Variants in LOC400499 observed in about 807,000 individuals in gnomAD.
At chr16:11,451,071 C>T in the LOC400499 span, among the ~76,000 whole-genome samples, 3 of 152,190 alleles carry the variant, frequency 2.0e-5, no homozygotes, top group Non-Finnish European at 4.4e-5. Context: ...TTTCACTGTG[C>T]TTAATGAAAC....
chr16:11,495,701 A>G, the LOC400499 span, among the ~76,000 whole-genome samples: 1 of 152,168 alleles, frequency 6.6e-6, no homozygotes, highest in African/African-American at 2.4e-5. Flanking sequence ...ATCTTAGTAA[A>G]CAAACTGTGT....
At chr16:11,495,246 G>GCA in the LOC400499 span, among the ~76,000 whole-genome samples, 1 of 151,356 alleles carries the variant, frequency 6.6e-6, no homozygotes, top group South Asian at 2.1e-4. Context: ...AACAAAAAAG[G>GCA]CACTCCATGT....
the LOC400499 span, among the ~76,000 whole-genome samples, chr16:11,423,002 G>C: frequency 8.3e-5 from 12 of 145,332 alleles, no homozygotes; most frequent in East Asian, 2.5e-3. Context: ...GAGTCCAGGT[G>C]CATGTCACCA....
chr16:11,491,035 T>C, the LOC400499 span, among the ~76,000 whole-genome samples: 34,976 of 152,200 alleles, frequency 0.23, 4,119 homozygotes, highest in East Asian at 0.31. Flanking sequence ...AATGTCTTTG[T>C]GTATTAACTC....
chr16:11,492,511 C>T, the LOC400499 span, among the ~76,000 whole-genome samples: 4 of 151,902 alleles, frequency 2.6e-5, no homozygotes, highest in South Asian at 2.1e-4. Context: ...TGGCCGGGCG[C>T]GGTGGCTCAT....
chr16:11,372,519 T>A, the LOC400499 span: 1 of 152,872 alleles, frequency 6.5e-6, no homozygotes, highest in South Asian at 2.1e-4. Context: ...CTCAGACCAG[T>A]GGGAGAGTTT....
the LOC400499 span, among the ~76,000 whole-genome samples, chr16:11,490,523 C>A: frequency 6.6e-6 from 1 of 151,318 alleles, no homozygotes; most frequent in South Asian, 2.1e-4. Context: ...TGTGGTGAAA[C>A]CCCGTCTCTA....
the LOC400499 span, among the ~76,000 whole-genome samples, chr16:11,376,191 A>G: frequency 6.6e-6 from 1 of 152,202 alleles, no homozygotes; most frequent in Non-Finnish European, 1.5e-5. Context: ...GTATCCTTCA[A>G]TGCGATCCAG....
chr16:11,478,048 C>T, the LOC400499 span: 1 of 394,678 alleles, frequency 2.5e-6, no homozygotes, highest in African/African-American at 2.1e-5. Context: ...CTCGGTGGCT[C>T]ACGCCTGTAA....
the LOC400499 span, among the ~76,000 whole-genome samples, chr16:11,502,768 C>T: frequency 6.6e-6 from 1 of 151,740 alleles, no homozygotes; most frequent in African/African-American, 2.4e-5. Context: ...GCACCTGTGA[C>T]CACGTCTGGC....
At chr16:11,435,419 T>C in the LOC400499 span, among the ~76,000 whole-genome samples, 2 of 152,162 alleles carry the variant, frequency 1.3e-5, no homozygotes, top group Admixed American at 1.3e-4. Flanking sequence ...TTATACATTA[T>C]CCTTTAAGCC....
chr16:11,460,157 G>C, the LOC400499 span: 1 of 1,027,634 alleles, frequency 9.7e-7, no homozygotes, highest in Non-Finnish European at 1.3e-6. Context: ...CTGGTTTTCA[G>C]AAGAGACGGT....
At chr16:11,460,846 T>C in the LOC400499 span, 9 of 1,339,700 alleles carry the variant, frequency 6.7e-6, no homozygotes, top group East Asian at 5.1e-5. Flanking sequence ...GCCAACAGAA[T>C]GACTAATGGA....
At chr16:11,372,749 G>A in the LOC400499 span, 2 of 982,920 alleles carry the variant, frequency 2.0e-6, no homozygotes, top group African/African-American at 3.5e-5. Flanking sequence ...CTGTAAAGGA[G>A]AGAGAAAAGT....
the LOC400499 span, among the ~76,000 whole-genome samples, chr16:11,513,651 G>A: frequency 1.3e-3 from 196 of 151,814 alleles, 1 homozygote; most frequent in African/African-American, 4.2e-3. Context: ...GGCTGGTCTC[G>A]AACTCCTGAT....
the LOC400499 span, among the ~76,000 whole-genome samples, chr16:11,495,569 C>T: frequency 3.5e-4 from 54 of 152,152 alleles, no homozygotes; most frequent in South Asian, 0.011. Context: ...TTAGTAAAGC[C>T]GGGTTTCACC....
At chr16:11,495,167 C>G in the LOC400499 span, among the ~76,000 whole-genome samples, 1 of 151,332 alleles carries the variant, frequency 6.6e-6, no homozygotes, top group South Asian at 2.1e-4. Context: ...TGAGATTGTA[C>G]CACTGCACTG....
chr16:11,465,688 G>A, the LOC400499 span, among the ~76,000 whole-genome samples: 4 of 151,974 alleles, frequency 2.6e-5, no homozygotes, highest in Admixed American at 6.6e-5. Flanking sequence ...CAAGAGGATC[G>A]CTTGAGCCCA....
At chr16:11,378,232 T>A in the LOC400499 span, among the ~76,000 whole-genome samples, 1 of 142,890 alleles carries the variant, frequency 7.0e-6, no homozygotes, top group Non-Finnish European at 1.5e-5. Context: ...TCACTGTGCC[T>A]GGCTGCTGCT....
Sources: allele counts gnomAD v4.1 joint callset (sites outside exome capture counted in the v4.1 genomes callset), GRCh38; gene constraint gnomAD v4.1.1; transcripts MANE v1.5.